CINP: variants seen among roughly 807,000 people sequenced by gnomAD.
The protein encoded by CINP is cyclin dependent kinase 2 interacting protein, also known as cyclin-dependent kinase 2-interacting protein.
Under a neutral mutation model 20.5 loss-of-function variants are expected in CINP, and 11 were observed. The ratio of observed to expected loss-of-function variants is 0.54; its 90% confidence interval spans 0.34 to 0.89. The LOEUF is 0.89. Among genes scored for constraint, CINP ranks in the 40% least tolerant of loss-of-function variants. The pLI, the probability that CINP is intolerant of heterozygous loss-of-function variation, is 0.02. For synonymous variants in CINP, 108 were observed against 102.1 expected (o/e 1.06, Z -0.35); for missense variants, 213 against 251.0 (o/e 0.85, Z 1.02).
Position 102,351,079 on chromosome 14 carries a change from C to T in CINP, c.307-1031G>A, listed in dbSNP as rs570891159. Among the ~76,000 whole-genome samples, 22 of 152,292 alleles carry T rather than the reference C, an allele frequency of 1.4e-4. No individual in the cohort carries two copies. Among genetic ancestry groups the T allele is most frequent in the Non-Finnish European group, 2.5e-4 (17 of 68,026 alleles). The stretch of plus-strand genomic sequence containing the variant: ...GAACTCGTGATCCGCCCACCTCGGC[C>T]GCCCAAAGTGCTGGGATTCTAGGCA... On this transcript the variant is annotated intron_variant, in intron 3 of 4. Coordinates refer to ENST00000216756, the MANE Select transcript of CINP (RefSeq NM_032630.3). This position sits in a 1 kb window ranked among gnomAD's most constrained non-coding sequence, Gnocchi z 4.2.
At chr14:102,353,135 C>T (rs1334402662) in intron 3 of CINP, among the ~76,000 whole-genome samples, 1 of 147,910 alleles carries the variant, frequency 6.8e-6, no homozygotes, top group Non-Finnish European at 1.5e-5. Flanking sequence ...GAAACTCCAT[C>T]TCAAAAAAAA....
intron 1 of CINP, among the ~76,000 whole-genome samples, chr14:102,360,646 T>G (rs2139635846): frequency 6.6e-6 from 1 of 152,298 alleles, no homozygotes; most frequent in East Asian, 1.9e-4. Context: ...ATAGGATTGC[T>G]GAGATTAGAT....
chr14:102,355,584 C>T, intron 3 of CINP, 184 bp downstream of exon 3: 3 of 589,964 alleles, frequency 5.1e-6, no homozygotes, highest in Admixed American at 6.7e-5. Flanking sequence ...GGATGACGCA[C>T]AGGAGGAGTG....
intron 4 of CINP, 62 bp downstream of exon 4, chr14:102,349,857 G>A (rs1325813405): frequency 5.1e-6 from 8 of 1,579,132 alleles, no homozygotes; most frequent in Non-Finnish European, 5.2e-6. Flanking sequence ...AGATGTAAAC[G>A]ATACTAAATG....
At chr14:102,353,663 G>A (rs1417301166) in intron 3 of CINP, among the ~76,000 whole-genome samples, 1 of 152,138 alleles carries the variant, frequency 6.6e-6, no homozygotes, top group Middle Eastern at 3.2e-3. Context: ...CAAAATACCT[G>A]ACCAGTATCC....
intron 1 of CINP, among the ~76,000 whole-genome samples, chr14:102,361,649 A>T (rs1440254547): frequency 6.7e-6 from 1 of 150,282 alleles, no homozygotes; most frequent in Non-Finnish European, 1.5e-5. Flanking sequence ...TCAAAAACAA[A>T]ACAAAACAAA....
chr14:102,359,372 T>C, intron 2 of CINP, 47 bp downstream of exon 2: 1 of 1,407,910 alleles, frequency 7.1e-7, no homozygotes, highest in Non-Finnish European at 9.7e-7. Context: ...TTTCCCCAGT[T>C]ATTAAGGGTG....
intron 3 of CINP, among the ~76,000 whole-genome samples, chr14:102,352,735 T>C (rs1455158268): frequency 2.6e-5 from 4 of 151,680 alleles, no homozygotes; most frequent in Non-Finnish European, 4.4e-5. Flanking sequence ...CTCGGCTAAC[T>C]GCAACCTCCG....
intron 3 of CINP, 72 bp downstream of exon 3, chr14:102,355,695 TC>T (rs1484401452): frequency 2.6e-6 from 4 of 1,567,534 alleles, no homozygotes; most frequent in African/African-American, 1.4e-5. Context: ...TGGCCAATGG[TC>T]AAGCAAACCC....
intron 3 of CINP, 164 bp downstream of exon 3, chr14:102,355,604 G>A: frequency 2.7e-6 from 2 of 727,796 alleles, no homozygotes; most frequent in Non-Finnish European, 2.3e-6. Flanking sequence ...GAGTGTCTAA[G>A]ACAGCATCTT....
At position 102,355,802 on chromosome 14, in the gene CINP, A is replaced by G. The variant is rs192274526; in HGVS notation, c.272T>C (p.Leu91Pro). 62 of 1,614,130 alleles carry G rather than the reference A, an allele frequency of 3.8e-5. No homozygotes were observed. In the Admixed American group the frequency reaches 8.2e-4, roughly 21 times the overall value. Residue 91 changes from leucine (L) to proline (P), a missense_variant, in exon 3 of 5, where the codon CTG (leucine) becomes CCG (proline). By Grantham distance (98) the Leu-to-Pro change is moderately conservative (BLOSUM62 -3). Coordinates refer to ENST00000216756, the MANE Select transcript of CINP (RefSeq NM_032630.3). ...CAAGGTGGCCTGCAGTTCCTCACAC[A>G]GCTTCTCCAGTTCCTCGTTATATTC... ...CLEYNEELEK[L>P]CEELQATLDG... is the part of the protein sequence containing the mutation.
chr14:102,358,799 T>G (rs576962056), intron 2 of CINP, among the ~76,000 whole-genome samples: 6 of 152,322 alleles, frequency 3.9e-5, no homozygotes, highest in Admixed American at 1.3e-4. Flanking sequence ...GTTTTTTCCA[T>G]ATCAGCTAGG....
At chr14:102,349,360 TA>T (rs1385328798) in intron 4 of CINP, among the ~76,000 whole-genome samples, 2 of 152,280 alleles carry the variant, frequency 1.3e-5, no homozygotes, top group Non-Finnish European at 2.9e-5. Flanking sequence ...CACATTCCAC[TA>T]GGTGATTTTA....
intron 2 of CINP, among the ~76,000 whole-genome samples, chr14:102,357,776 G>A (rs1451971809): frequency 6.6e-6 from 1 of 152,224 alleles, no homozygotes; most frequent in East Asian, 1.9e-4. Flanking sequence ...CGCTAATGTA[G>A]AAGCTGGAGC....
chr14:102,358,932 T>C (rs1018419150), intron 2 of CINP, among the ~76,000 whole-genome samples: 6 of 151,938 alleles, frequency 3.9e-5, no homozygotes, highest in African/African-American at 9.7e-5. Context: ...AAAATCAGAA[T>C]AGCCAGGCAC....
chr14:102,359,173 C>T (rs1046905695), intron 2 of CINP, among the ~76,000 whole-genome samples: 2 of 145,604 alleles, frequency 1.4e-5, no homozygotes, highest in Admixed American at 7.1e-5. Flanking sequence ...CACACTCCAG[C>T]CTAGGCAACA....
At position 102,359,404 on chromosome 14, in the gene CINP, C is replaced by T. The variant is rs1365672581; in HGVS notation, c.176+15G>A. On this transcript the variant is annotated intron_variant, in intron 2 of 4. Coordinates refer to ENST00000216756, the MANE Select transcript of CINP (RefSeq NM_032630.3). ...GGTGAAAAACTTAGAGCATGAAAAA[C>T]CAATATGTACTTACAATAAACTGAT... The T allele has an allele frequency of 6.5e-7, 1 of 1,547,452 alleles. No individual in the cohort carries two copies. The highest frequency in any genetic ancestry group is 1.9e-5 in the Admixed American group (1 of 52,860).
intron 2 of CINP, among the ~76,000 whole-genome samples, 190 bp from the exon 3 acceptor site, chr14:102,356,087 A>T (rs1348855656): frequency 6.6e-6 from 1 of 152,094 alleles, no homozygotes; most frequent in African/African-American, 2.4e-5. Context: ...TCCATTGGTC[A>T]CTCAATTTTG....
chr14:102,353,952 G>A (rs1016415513), intron 3 of CINP, among the ~76,000 whole-genome samples: 2 of 152,180 alleles, frequency 1.3e-5, no homozygotes, highest in Non-Finnish European at 2.9e-5. Context: ...AGCCGGGCAT[G>A]ATGGTTCATG....
Sources: allele counts gnomAD v4.1 joint callset (sites outside exome capture counted in the v4.1 genomes callset), GRCh38; gene constraint gnomAD v4.1.1; non-coding constraint Gnocchi (gnomAD v3.1); transcripts MANE v1.5; gene names NCBI Gene and HGNC (gene_info 2026-07-23, HGNC 2026-07-21).